The following NRG1 variants were observed in gnomAD, a reference collection of about 807,000 sequenced individuals.
NRG1 encodes the protein pro-neuregulin-1, membrane-bound isoform.
Under a neutral mutation model 63.8 loss-of-function variants are expected in NRG1, and 18 were observed. The ratio of observed to expected loss-of-function variants is 0.28; its 90% CI spans 0.19 to 0.42. NRG1 has a LOEUF of 0.42. NRG1 is among the 10% of genes least tolerant of loss of function. NRG1 has a pLI of 1.00. For missense variants in NRG1, 762 were observed against 814.7 expected, an observed-to-expected ratio of 0.94 and a Z score of 0.79; for synonymous variants, 302 against 301.3, an observed-to-expected ratio of 1.00 and a Z score of -0.02.
Position 32,183,040 on chromosome 8 carries a change from G to C in NRG1, c.38-412788G>C, listed in dbSNP as rs1440079166. 3.9e-5 allele frequency among the ~76,000 whole-genome samples: 6 copies of C among 152,144 alleles called. 1 individual carries two copies. The highest frequency in any genetic ancestry group is 8.8e-5 in the Non-Finnish European group (6 of 68,026). On this transcript the variant is annotated intron_variant, in intron 1 of 10. Coordinates refer to the NRG1 transcript ENST00000519301. ...GGAAAAGAATTATAATTATCAACTT[G>C]TTCATTTTTAATACCATAGTTAGAT...
intron 1 of NRG1, among the ~76,000 whole-genome samples, chr8:32,184,586 A>G (rs984286393): frequency 1.3e-5 from 2 of 151,574 alleles, no homozygotes; most frequent in Non-Finnish European, 2.9e-5. Flanking sequence ...TTTTTAATAT[A>G]TGTTTAGTTT....
At chr8:32,481,701 T>G (rs1825306549) in intron 1 of NRG1, among the ~76,000 whole-genome samples, 1 of 152,224 alleles carries the variant, frequency 6.6e-6, no homozygotes. Context: ...GAGTCTGAAA[T>G]AGCTGCTATA....
At chr8:32,487,622 T>C (rs1826061182) in intron 1 of NRG1, among the ~76,000 whole-genome samples, 1 of 152,200 alleles carries the variant, frequency 6.6e-6, no homozygotes, top group Non-Finnish European at 1.5e-5. Context: ...ACTCTTGGAT[T>C]GCTTGAGACC....
chr8:32,375,791 T>A (rs1809545611), intron 1 of NRG1, among the ~76,000 whole-genome samples: 1 of 152,242 alleles, frequency 6.6e-6, no homozygotes. Context: ...CCTCATAGTG[T>A]ATTAAGGGCT....
intron 1 of NRG1, among the ~76,000 whole-genome samples, chr8:32,204,667 G>A (rs1843836132): frequency 1.3e-5 from 2 of 152,208 alleles, no homozygotes; most frequent in African/African-American, 4.8e-5. Flanking sequence ...CTTTTAAAAT[G>A]TTAACTGTAG....
chr8:32,289,471 C>T (rs2129473911), intron 1 of NRG1, among the ~76,000 whole-genome samples: 1 of 151,678 alleles, frequency 6.6e-6, no homozygotes, highest in South Asian at 2.1e-4. Flanking sequence ...GCTTGATTTT[C>T]AAACTTGATA....
At chr8:31,774,582 C>T (rs143752799) in intron 1 of NRG1, among the ~76,000 whole-genome samples, 45 of 152,160 alleles carry the variant, frequency 3.0e-4, no homozygotes, top group Non-Finnish European at 5.4e-4. Context: ...CTTGTAGATT[C>T]GGGATATTAA....
chr8:32,018,549 T>A (rs183468723), intron 1 of NRG1, among the ~76,000 whole-genome samples: 83 of 152,344 alleles, frequency 5.4e-4, no homozygotes, highest in Non-Finnish European at 8.7e-4. Context: ...TTGTATCTTA[T>A]TTCTTTCTCT....
At chr8:32,193,424 A>G (rs1398773093) in intron 1 of NRG1, among the ~76,000 whole-genome samples, 1 of 152,046 alleles carries the variant, frequency 6.6e-6, no homozygotes, top group Non-Finnish European at 1.5e-5. Flanking sequence ...AATGAAAAAT[A>G]ATGCCTGCTA....
At chr8:32,534,703 G>T (rs534834407) in intron 1 of NRG1, among the ~76,000 whole-genome samples, 1 of 152,214 alleles carries the variant, frequency 6.6e-6, no homozygotes, top group African/African-American at 2.4e-5. Context: ...AAACACTGAT[G>T]TCTGATTGTA....
chr8:32,689,222 C>A (rs540446987), intron 5 of NRG1, among the ~76,000 whole-genome samples: 19 of 151,690 alleles, frequency 1.3e-4, no homozygotes, highest in Admixed American at 1.2e-3. Context: ...CTCGTAATAT[C>A]TGCTTTTGTA....
intron 1 of NRG1, among the ~76,000 whole-genome samples, chr8:32,203,187 G>A (rs1265324063): frequency 1.8e-5 from 2 of 108,226 alleles, no homozygotes; most frequent in African/African-American, 7.1e-5. Context: ...AAGCAAGCCA[G>A]CTTTTTTTTT....
intron 1 of NRG1, among the ~76,000 whole-genome samples, chr8:32,405,020 G>A (rs1813765357): frequency 6.6e-6 from 1 of 152,136 alleles, no homozygotes; most frequent in Non-Finnish European, 1.5e-5. Flanking sequence ...TCACTAAAAG[G>A]AACAGTTGAA....
intron 1 of NRG1, among the ~76,000 whole-genome samples, chr8:31,778,965 T>G (rs563357806): frequency 2.6e-5 from 4 of 152,222 alleles, no homozygotes; most frequent in Non-Finnish European, 4.4e-5. Flanking sequence ...GACTTACCAG[T>G]GTCTTCCACT....
intron 5 of NRG1, among the ~76,000 whole-genome samples, chr8:32,682,961 A>G (rs1809088734): frequency 6.6e-6 from 1 of 152,166 alleles, no homozygotes; most frequent in Non-Finnish European, 1.5e-5. Flanking sequence ...GTATAATTTT[A>G]TATATAACCT....
intron 1 of NRG1, among the ~76,000 whole-genome samples, chr8:31,941,882 AATC>A (rs1271489909): frequency 3.9e-5 from 6 of 152,196 alleles, no homozygotes; most frequent in African/African-American, 1.4e-4. Context: ...TGCTGAAAGA[AATC>A]ATAGACAACA....
chr8:32,482,958 A>G (rs1825488938), intron 1 of NRG1, among the ~76,000 whole-genome samples: 1 of 152,252 alleles, frequency 6.6e-6, no homozygotes, highest in Non-Finnish European at 1.5e-5. Flanking sequence ...GACTCATTTG[A>G]GACAAGGCTT....
chr8:32,162,728 A>G (rs770352619), intron 1 of NRG1, among the ~76,000 whole-genome samples: 1 of 152,056 alleles, frequency 6.6e-6, no homozygotes, highest in Non-Finnish European at 1.5e-5. Context: ...AGAGTGGGTT[A>G]GCAAATTCAT....
chr8:31,669,377 A>G (rs1213937724), intron 1 of NRG1, among the ~76,000 whole-genome samples: 1 of 151,942 alleles, frequency 6.6e-6, no homozygotes, highest in Non-Finnish European at 1.5e-5. Context: ...AGCTGGGATT[A>G]CAGGCATGTG....
Sources: gnomAD v4.1 joint callset for allele counts (sites outside exome capture counted in the v4.1 genomes callset) on GRCh38, gnomAD v4.1.1 for gene constraint, MANE v1.5 for transcripts, NCBI Gene and HGNC (gene_info 2026-07-23, HGNC 2026-07-21) for gene names.